The following EPRS1 variants were observed in gnomAD, a reference collection of about 807,000 sequenced individuals.
EPRS1 encodes the protein glutamyl-prolyl-tRNA synthetase 1.
In EPRS1, 107 loss-of-function variants were observed where a neutral mutation model predicts 188.3. The ratio of observed to expected loss-of-function variants is 0.57; its 90% CI spans 0.49 to 0.67. The LOEUF (loss-of-function observed/expected upper bound fraction) is 0.67, where lower values mean the gene tolerates loss of function less well. EPRS1 is among the 30% of genes least tolerant of loss of function. The probability of loss-of-function intolerance (pLI) is 0.00; values close to 1 mark genes in which losing one functional copy is unlikely to be tolerated. For missense variants in EPRS1, 1,577 were observed against 1,802.2 expected (o/e 0.88, Z 2.26); for synonymous variants, 596 against 593.1 (o/e 1.00, Z -0.07).
chr1:220,005,165 T>C, intron 16 of EPRS1, 83 bp downstream of exon 16: 2 of 523,558 alleles, frequency 3.8e-6, no homozygotes, highest in Non-Finnish European at 3.3e-6. Context: ...TACGTTATTT[T>C]AGTGAAAGTT....
At chr1:219,988,195 A>G (rs181740833) in intron 19 of EPRS1, among the ~76,000 whole-genome samples, 25 of 152,334 alleles carry the variant, frequency 1.6e-4, no homozygotes, top group African/African-American at 5.5e-4. Flanking sequence ...AAGAGCTCAA[A>G]ATAAAACCTA....
chr1:220,029,194 T>C (rs1464583702), intron 6 of EPRS1, among the ~76,000 whole-genome samples: 6 of 152,104 alleles, frequency 3.9e-5, no homozygotes, highest in Non-Finnish European at 7.4e-5. Context: ...AGTAGCAGAA[T>C]ACTAGATGGT....
chr1:220,016,663 C>T (rs1490337115), intron 12 of EPRS1, among the ~76,000 whole-genome samples: 1 of 135,946 alleles, frequency 7.4e-6, no homozygotes, highest in East Asian at 2.2e-4. Context: ...AGGCGATCCT[C>T]CTACCTTGGC....
chr1:220,010,499 A>G (rs1265969003), intron 13 of EPRS1, among the ~76,000 whole-genome samples: 2 of 152,180 alleles, frequency 1.3e-5, no homozygotes, highest in East Asian at 3.9e-4. Context: ...TTAGTATCAA[A>G]TCCTGACAAT....
intron 16 of EPRS1, among the ~76,000 whole-genome samples, chr1:220,001,701 A>G (rs757161649): frequency 9.9e-5 from 15 of 152,186 alleles, no homozygotes; most frequent in Non-Finnish European, 1.9e-4. Context: ...GGCTCTTCAG[A>G]ATAGTTTTAC....
chr1:219,983,536 G>A, intron 21 of EPRS1, 138 bp from the exon 22 acceptor site: 1 of 630,336 alleles, frequency 1.6e-6, no homozygotes, highest in East Asian at 2.7e-5. Context: ...AGGTCATAAT[G>A]GAAGTAAAAC....
At chr1:220,018,603 A>AT in intron 11 of EPRS1, 95 bp from the exon 12 acceptor site, 1 of 828,054 alleles carries the variant, frequency 1.2e-6, no homozygotes, top group Non-Finnish European at 2.0e-6. Flanking sequence ...AAAAAAAAAA[A>AT]ACTCGATAAA....
At chr1:219,978,361 A>G (rs1351510307) in intron 28 of EPRS1, among the ~76,000 whole-genome samples, 185 bp downstream of exon 28, 1 of 152,242 alleles carries the variant, frequency 6.6e-6, no homozygotes, top group Admixed American at 6.5e-5. Context: ...TTTTAAATTT[A>G]GGTATCACTA....
chr1:219,968,926 G>A lies in EPRS1; in HGVS notation c.4419C>T (p.Ser1473=). Reference sequence around the variant, plus strand: ...GGATGCAAAGGCTTTTAGCTCCCATGGATGGAGCACCAGGTTCAAGATCTT... The same window carrying A: ...GGATGCAAAGGCTTTTAGCTCCCATAGATGGAGCACCAGGTTCAAGATCTT... The part of the protein sequence containing the change: ...RDQDLEPGAP[S]MGAKSLCIPF... Residue 1473 remains serine (S), a synonymous_variant, in exon 32 of 32, where the codon TCC becomes TCT. Transcript: ENST00000366923. The A allele has an allele frequency of 6.2e-7, 1 of 1,613,706 alleles. No individual in the cohort carries two copies. Among genetic ancestry groups the A allele is most frequent in the Non-Finnish European group, 8.5e-7 (1 of 1,179,626 alleles).
chr1:219,987,106 T>C, intron 20 of EPRS1, 36 bp downstream of exon 20: 1 of 1,578,594 alleles, frequency 6.3e-7, no homozygotes, highest in South Asian at 1.2e-5. Context: ...ATTAATTCAC[T>C]GCTTTGCTTC....
intron 18 of EPRS1, among the ~76,000 whole-genome samples, chr1:219,989,665 T>A (rs1397659563): frequency 6.6e-6 from 1 of 152,232 alleles, no homozygotes; most frequent in Non-Finnish European, 1.5e-5. Context: ...GAATGCAGGA[T>A]ACCAATGGTA....
rs1055996183 is a variant in EPRS1 at position 220,022,295 on chromosome 1, TCAAAA to T, written c.1115+47_1115+51del. ...GCTTGTACTCCATGTTTAAAGAAGA[TCAAAA>T]CAAAAGCACAGATGGCTACCTAGCA... On this transcript the variant is annotated intron_variant, in intron 9 of 31. Transcript: ENST00000366923. The T allele has an allele frequency of 1.8e-5, 27 of 1,502,290 alleles. No homozygotes were observed. The African/African-American group carries it at 3.6e-4, about 20-fold the overall frequency. The allele number at this position is 1,502,290 out of a possible 1,614,324, so 93.1% of individuals were successfully genotyped here. A position where few individuals can be genotyped will look rare whatever the true frequency, so the allele number is the denominator to read the frequency against.
chr1:220,002,045 A>G (rs1236277902), intron 16 of EPRS1, among the ~76,000 whole-genome samples: 1 of 148,402 alleles, frequency 6.7e-6, no homozygotes, highest in Non-Finnish European at 1.5e-5. Flanking sequence ...AAAAAAAAAA[A>G]TTGGTCAGCC....
At chr1:219,978,350 A>G (rs2270710) in intron 28 of EPRS1, among the ~76,000 whole-genome samples, 196 bp downstream of exon 28, 70,448 of 152,080 alleles carry the variant, frequency 0.46, 16,426 homozygotes, top group South Asian at 0.53. Flanking sequence ...CACAAAAACT[A>G]TTTTAAATTT....
intron 19 of EPRS1, 23 bp downstream of exon 19, chr1:219,988,567 T>TATA: frequency 6.6e-7 from 1 of 1,515,676 alleles, no homozygotes; most frequent in Non-Finnish European, 9.1e-7. Context: ...AACAAAAGCA[T>TATA]ATAAACAAAA....
rs1662123338 is a variant in EPRS1, at chr1:220,033,510, G to A, written c.380C>T (p.Thr127Ile). 6.2e-7 allele frequency: 1 copy of A among 1,604,052 alleles called. No homozygotes were observed. Among genetic ancestry groups the A allele is most frequent in the Non-Finnish European group, 8.5e-7 (1 of 1,175,720 alleles). Residue 127 changes from threonine (T) to isoleucine (I), a missense_variant, in exon 4 of 32, where the codon ACC (threonine) becomes ATC (isoleucine). Coordinates refer to ENST00000366923, the MANE Select transcript of EPRS1 (RefSeq NM_004446.3). ...TTAAGAATTATTGATACCTTTTAGG[G>A]TGGCCCAAACACATAAATCTGCTAA... Reference protein sequence around the residue: ...LSLADLCVWATLKGNAAWQEQ... With the variant: ...LSLADLCVWAILKGNAAWQEQ...
chr1:220,032,239 TA>T, intron 5 of EPRS1, 147 bp downstream of exon 5: 1 of 455,792 alleles, frequency 2.2e-6, no homozygotes, highest in Non-Finnish European at 3.3e-6. Context: ...CACGCCCGGC[TA>T]ATTTTTTTTT....
At chr1:220,040,090 A>C in intron 2 of EPRS1, 95 bp downstream of exon 2, 1 of 782,920 alleles carries the variant, frequency 1.3e-6, no homozygotes, top group South Asian at 1.8e-5. Flanking sequence ...TGATCATGCC[A>C]GCCTGGGCAA....
At chr1:220,018,034 T>G in intron 12 of EPRS1, 1 of 630,556 alleles carries the variant, frequency 1.6e-6, no homozygotes, top group Non-Finnish European at 2.5e-6. Context: ...TATATAAATG[T>G]GATTGTGCTT....
Sources: gnomAD v4.1 joint callset for allele counts (sites outside exome capture counted in the v4.1 genomes callset) on GRCh38, gnomAD v4.1.1 for gene constraint, MANE v1.5 for transcripts, NCBI Gene and HGNC (gene_info 2026-07-23, HGNC 2026-07-21) for gene names.